The following DLG2 variants were observed in gnomAD, a reference collection of about 807,000 sequenced individuals.
DLG2 encodes discs large MAGUK scaffold protein 2.
In DLG2, 45 loss-of-function variants were observed where a neutral mutation model predicts 132.5. That is an observed-to-expected ratio of 0.34 (90% CI 0.27 to 0.44). The LOEUF (loss-of-function observed/expected upper bound fraction) is 0.44, where lower values mean the gene tolerates loss of function less well. DLG2 is among the 20% of genes least tolerant of loss of function. DLG2 has a pLI of 1.00. For missense variants in DLG2, 1,045 were observed against 1,196.9 expected, an observed-to-expected ratio of 0.87 and a Z score of 1.87; for synonymous variants, 424 against 419.6, an observed-to-expected ratio of 1.01 and a Z score of -0.13.
chr11:84,212,109 T>C (rs1251101074), intron 8 of DLG2, among the ~76,000 whole-genome samples: 5 of 152,224 alleles, frequency 3.3e-5, no homozygotes, highest in African/African-American at 1.2e-4. Context: ...AAGTAATCTA[T>C]CTGTAGAAAA....
chr11:84,965,524 G>T (rs1346189389), intron 6 of DLG2, among the ~76,000 whole-genome samples: 3 of 151,972 alleles, frequency 2.0e-5, no homozygotes, highest in Non-Finnish European at 2.9e-5. Context: ...TGGATGAGGG[G>T]TCATCAAGAC....
In DLG2 at chr11:83,993,879, A is replaced by G. The variant is rs1363608391; in HGVS notation, c.920-13237T>C. On this transcript the variant is annotated intron_variant, in intron 11 of 27. Transcript: ENST00000376104. ...GTTACATAGATTATTTAAAAGATGT[A>G]AAAATCATCTCACATGTTGAAGTTT... Among the ~76,000 whole-genome samples, 4 of 152,188 alleles carry G rather than the reference A, an allele frequency of 2.6e-5. No individual in the cohort carries two copies. In the East Asian group the frequency reaches 7.7e-4, roughly 29 times the overall value.
At position 83,930,615 on chromosome 11, in the gene DLG2, A is replaced by G. The variant is rs138368757; in HGVS notation, c.1341-132T>C. On this transcript the variant is annotated intron_variant, in intron 14 of 27. Transcript: ENST00000376104. ...TTATCTTGATTTGTTACTAAAAGAA[A>G]CCCAATTTTCCACTTGTAACTTTTC... The G allele has an allele frequency of 5.6e-4, 526 of 945,542 alleles. 3 individuals carry two copies. The highest frequency in any genetic ancestry group is 6.0e-4 in the Non-Finnish European group (392 of 654,158). 58.6% of individuals were successfully genotyped at this position (945,542 alleles called of 1,614,324 possible). A position where few individuals can be genotyped will look rare whatever the true frequency, so the allele number is the denominator to read the frequency against.
intron 6 of DLG2, among the ~76,000 whole-genome samples, chr11:84,827,146 C>T (rs761271971): frequency 6.6e-6 from 1 of 151,678 alleles, no homozygotes; most frequent in Non-Finnish European, 1.5e-5. Flanking sequence ...AATGATCATA[C>T]AAGTAAGGAG....
chr11:85,322,155 C>G (rs1035611070), intron 3 of DLG2, among the ~76,000 whole-genome samples: 4 of 152,068 alleles, frequency 2.6e-5, no homozygotes, highest in Admixed American at 2.0e-4. Context: ...GTCACCATAT[C>G]CTTTTCTCAC....
In DLG2 at chr11:84,711,330, AAGAGAGAGAGAGAGAGAGAGAG is replaced by A. The variant is rs760750088; in HGVS notation, c.358-176621_358-176600del. Among the ~76,000 whole-genome samples, 13 of 48,478 alleles carry A rather than the reference AAGAGAGAGAGAGAGAGAGAGAG, an allele frequency of 2.7e-4. No individual in the cohort carries two copies. In the South Asian group the frequency reaches 9.0e-3, roughly 34 times the overall value. The allele number at this position is 48,478 out of a possible 152,430, so 31.8% of individuals were successfully genotyped here. On this transcript the variant is annotated intron_variant, in intron 6 of 27. Transcript: ENST00000376104. ...GGTTCTCCAAAGAAACAGAACCAGTAAGAGAGAGAGAGAGAGAGAGAGAGAGAGAGAGAGAGAGAGAGAGAGA... is the reference window on the plus strand; with the variant it reads ...GGTTCTCCAAAGAAACAGAACCAGTAAGAGAGAGAGAGAGAGAGAGAGAGA...
Position 85,330,809 on chromosome 11 carries a change from A to G in DLG2, c.41-45444T>C, listed in dbSNP as rs1316010558. ...AAAAAAATTAAAAAAAAAAAAAAAA[A>G]AAAGAAAAAGAAGTTGGGATGTAAA... On this transcript the variant is annotated intron_variant, in intron 3 of 27. Transcript: ENST00000376104. Among the ~76,000 whole-genome samples, 463 of 150,118 alleles carry G rather than the reference A, an allele frequency of 3.1e-3. 1 individual carries two copies. The highest frequency in any genetic ancestry group is 7.5e-3 in the African/African-American group (309 of 41,184).
chr11:84,212,685 A>G (rs1433268571), intron 8 of DLG2, among the ~76,000 whole-genome samples: 1 of 152,192 alleles, frequency 6.6e-6, no homozygotes. Flanking sequence ...TTGAGACAAG[A>G]GTCTCGCTCT....
intron 19 of DLG2, among the ~76,000 whole-genome samples, chr11:83,618,955 T>G (rs2061248311): frequency 6.6e-6 from 1 of 152,174 alleles, no homozygotes; most frequent in Non-Finnish European, 1.5e-5. Flanking sequence ...GCAACTAACT[T>G]CAGCTGGATC....
intron 9 of DLG2, among the ~76,000 whole-genome samples, chr11:84,118,229 TC>T (rs1010037757): frequency 6.6e-5 from 10 of 152,158 alleles, no homozygotes; most frequent in African/African-American, 2.2e-4. Flanking sequence ...CATGCTTCTA[TC>T]AACTACAAAA....
At chr11:84,772,634 C>T (rs978106063) in intron 6 of DLG2, among the ~76,000 whole-genome samples, 7 of 151,970 alleles carry the variant, frequency 4.6e-5, no homozygotes, top group Non-Finnish European at 2.9e-5. Context: ...AAACCAATAC[C>T]AAGACGAACT....
chr11:85,119,568 G>A (rs2074064398), intron 5 of DLG2, among the ~76,000 whole-genome samples: 1 of 151,792 alleles, frequency 6.6e-6, no homozygotes, highest in South Asian at 2.1e-4. Context: ...AGGAAAATTT[G>A]GATATTATTA....
At chr11:84,962,714 G>T (rs1195805088) in intron 6 of DLG2, among the ~76,000 whole-genome samples, 1 of 152,250 alleles carries the variant, frequency 6.6e-6, no homozygotes, top group East Asian at 1.9e-4. Flanking sequence ...AAATATCTTA[G>T]AGTCATCTGT....
intron 9 of DLG2, among the ~76,000 whole-genome samples, chr11:84,130,322 G>A (rs2094360308): frequency 6.6e-6 from 1 of 151,766 alleles, no homozygotes; most frequent in Admixed American, 6.6e-5. Context: ...TTATCCCCTT[G>A]GAAACAAGAG....
At chr11:83,537,522 G>C (rs1405033588) in intron 20 of DLG2, among the ~76,000 whole-genome samples, 1 of 152,094 alleles carries the variant, frequency 6.6e-6, no homozygotes, top group Admixed American at 6.5e-5. Context: ...TGGCTTAAGA[G>C]AGCATGGGAC....
chr11:85,294,988 T>C (rs1350838229), intron 3 of DLG2, among the ~76,000 whole-genome samples: 2 of 152,140 alleles, frequency 1.3e-5, no homozygotes, highest in South Asian at 2.1e-4. Context: ...GATGAATAAA[T>C]GTGCTACTTC....
At chr11:84,854,102 G>A (rs942633501) in intron 6 of DLG2, among the ~76,000 whole-genome samples, 1 of 151,964 alleles carries the variant, frequency 6.6e-6, no homozygotes, top group Non-Finnish European at 1.5e-5. Context: ...ACAGGATGAG[G>A]TGAATTGGGT....
chr11:84,025,093 T>C (rs923695185), intron 11 of DLG2, among the ~76,000 whole-genome samples: 1 of 152,170 alleles, frequency 6.6e-6, no homozygotes, highest in Non-Finnish European at 1.5e-5. Flanking sequence ...GACTATTCAG[T>C]GTATCTGTTT....
intron 6 of DLG2, among the ~76,000 whole-genome samples, chr11:85,019,442 G>T (rs1202511066): frequency 2.0e-5 from 3 of 151,836 alleles, no homozygotes; most frequent in Non-Finnish European, 4.4e-5. Flanking sequence ...AATGGGATAA[G>T]ATTTCTTTTT....
Sources: gnomAD v4.1 joint callset for allele counts (sites outside exome capture counted in the v4.1 genomes callset) on GRCh38, gnomAD v4.1.1 for gene constraint, MANE v1.5 for transcripts, NCBI Gene and HGNC (gene_info 2026-07-23, HGNC 2026-07-21) for gene names.